NUP93: variants seen among roughly 807,000 people sequenced by gnomAD.
The protein encoded by NUP93 is nuclear pore complex protein Nup93.
A neutral mutation model predicts 107.8 loss-of-function variants in NUP93; 55 were observed. The ratio of observed to expected loss-of-function variants is 0.51; its 90% CI spans 0.41 to 0.64. The LOEUF (loss-of-function observed/expected upper bound fraction) is 0.64. Among genes scored for constraint, NUP93 ranks in the 30% least tolerant of loss-of-function variants. The probability of loss-of-function intolerance (pLI) is 0.00; values close to 1 mark genes in which losing one functional copy is unlikely to be tolerated. For synonymous variants in NUP93, 390 were observed against 397.5 expected, an observed-to-expected ratio of 0.98 and a Z score of 0.22; for missense variants, 937 against 1,044.7, an observed-to-expected ratio of 0.90 and a Z score of 1.42.
intron 8 of NUP93, among the ~76,000 whole-genome samples, chr16:56,827,044 CAAAAA>C (rs1188027635): frequency 8.8e-4 from 47 of 53,604 alleles, no homozygotes; most frequent in East Asian, 2.0e-3. Context: ...GACTCCGTCT[CAAAAA>C]AAAAAAAAAA....
At chr16:56,786,485 C>G (rs1204003127) in intron 3 of NUP93, among the ~76,000 whole-genome samples, 1 of 152,206 alleles carries the variant, frequency 6.6e-6, no homozygotes, top group Non-Finnish European at 1.5e-5. Flanking sequence ...ATGGATTGAG[C>G]TTTCAGCAAA....
At chr16:56,839,434 G>C (rs1963977582) in intron 19 of NUP93, 87 bp from the exon 20 acceptor site, 2 of 1,011,352 alleles carry the variant, frequency 2.0e-6, no homozygotes, top group Admixed American at 5.2e-5. Context: ...AAGCCCTTTG[G>C]AGTATGTGAG....
At chr16:56,809,940 T>G (rs1381426153) in intron 5 of NUP93, among the ~76,000 whole-genome samples, 11 of 152,248 alleles carry the variant, frequency 7.2e-5, no homozygotes, top group Admixed American at 7.2e-4. Flanking sequence ...TCTTTGTGAA[T>G]CTGAGCAAAT....
intron 3 of NUP93, among the ~76,000 whole-genome samples, chr16:56,759,109 A>G (rs1962079713): frequency 6.6e-6 from 1 of 152,232 alleles, no homozygotes; most frequent in South Asian, 2.1e-4. Flanking sequence ...ATGATTTCCA[A>G]GAAGTGTTTG....
chr16:56,809,516 G>A lies in NUP93; in HGVS notation c.489+3884G>A, dbSNP rs960048264. 3.3e-5 allele frequency among the ~76,000 whole-genome samples: 5 copies of A among 152,142 alleles called. No individual in the cohort carries two copies. In the East Asian group the frequency reaches 5.8e-4, roughly 18 times the overall value. ...TAATATCATCAGTGCTTCCTGATAAGTCTTTTTTTCCCCCGAAGTTGTTTC... is the reference window on the plus strand; with the variant it reads ...TAATATCATCAGTGCTTCCTGATAAATCTTTTTTTCCCCCGAAGTTGTTTC... On this transcript the variant is annotated intron_variant, in intron 5 of 21. Coordinates refer to ENST00000308159, the MANE Select transcript of NUP93 (RefSeq NM_014669.5).
chr16:56,773,626 G>A (rs1962360900), intron 3 of NUP93, among the ~76,000 whole-genome samples: 1 of 152,232 alleles, frequency 6.6e-6, no homozygotes, highest in Admixed American at 6.5e-5. Context: ...TTTAAGAAAT[G>A]TGATTCTCAG....
At chr16:56,763,466 A>G (rs527406180) in intron 3 of NUP93, among the ~76,000 whole-genome samples, 1 of 151,946 alleles carries the variant, frequency 6.6e-6, no homozygotes, top group Non-Finnish European at 1.5e-5. Context: ...CATTTTTCCA[A>G]GGTAGAAGGA....
chr16:56,841,528 C>T, intron 20 of NUP93, 177 bp from the exon 21 acceptor site: 1 of 690,838 alleles, frequency 1.4e-6, no homozygotes, highest in Non-Finnish European at 2.4e-6. Flanking sequence ...GGGTTTTTTT[C>T]TCACACTTGA....
Position 56,845,308 on chromosome 16 carries a change from T to A in NUP93, c.*699T>A, listed in dbSNP as rs1964103689. ...TAAACCTTGCCACTGCACTCCTCTG[T>A]AGCTGCTCCACTGTGAGTTGACTGC... On this transcript the variant is annotated 3_prime_UTR_variant, in exon 22 of 22. Transcript: ENST00000308159. The A allele has an allele frequency of 6.6e-6, 1 of 152,608 alleles. No individual in the cohort carries two copies. The highest frequency in any genetic ancestry group is 2.1e-4 in the South Asian group (1 of 4,830). The allele number at this position is 152,608 out of a possible 1,614,324, so 9.5% of individuals were successfully genotyped here.
At chr16:56,823,442 G>A (rs1963590385) in intron 7 of NUP93, among the ~76,000 whole-genome samples, 1 of 152,112 alleles carries the variant, frequency 6.6e-6, no homozygotes, top group Admixed American at 6.6e-5. Context: ...AATTATGTAC[G>A]TGGTTATGTC....
chr16:56,818,759 G>C, intron 6 of NUP93, 21 bp downstream of exon 6: 1 of 1,604,034 alleles, frequency 6.2e-7, no homozygotes, highest in Non-Finnish European at 8.5e-7. Flanking sequence ...TTTTAAGGGG[G>C]ATTAAGCCAG....
At chr16:56,787,160 A>G (rs533547524) in intron 3 of NUP93, among the ~76,000 whole-genome samples, 1 of 152,356 alleles carries the variant, frequency 6.6e-6, no homozygotes, top group East Asian at 1.9e-4. Flanking sequence ...ACAAAAGGGA[A>G]GGTCTGTTTG....
At chr16:56,751,572 G>A (rs1834106685) in intron 2 of NUP93, among the ~76,000 whole-genome samples, 1 of 152,192 alleles carries the variant, frequency 6.6e-6, no homozygotes. Flanking sequence ...ATTGTCACAG[G>A]CACTTTCCTG....
At chr16:56,757,920 G>A (rs1962054587) in intron 2 of NUP93, among the ~76,000 whole-genome samples, 1 of 152,142 alleles carries the variant, frequency 6.6e-6, no homozygotes, top group Non-Finnish European at 1.5e-5. Flanking sequence ...ATCTACGGAG[G>A]CTGTAAGTGT....
At chr16:56,829,219 G>T in intron 9 of NUP93, 110 bp downstream of exon 9, 1 of 1,304,694 alleles carries the variant, frequency 7.7e-7, no homozygotes, top group Non-Finnish European at 1.1e-6. Flanking sequence ...TGTGGAGATG[G>T]GACCAGAGAG....
intron 1 of NUP93, among the ~76,000 whole-genome samples, chr16:56,739,140 C>A: frequency 7.2e-6 from 1 of 138,706 alleles, no homozygotes; most frequent in African/African-American, 2.8e-5. Flanking sequence ...CGGCAACCAT[C>A]CGATTTCTCA....
rs775928723 is a variant in NUP93, at chr16:56,834,294, A to G, written c.1664+40A>G. 1.2e-4 allele frequency: 190 copies of G among 1,613,044 alleles called. No individual in the cohort carries two copies. Among genetic ancestry groups the G allele is most frequent in the Non-Finnish European group, 1.5e-4 (176 of 1,179,130 alleles). On this transcript the variant is annotated intron_variant, in intron 14 of 21. Coordinates refer to ENST00000308159, the MANE Select transcript of NUP93 (RefSeq NM_014669.5). ...TGACCATTTACTTCAGCTAGTTTCA[A>G]TTTCTGCCATTCTGAGAATGACTAT...
At chr16:56,754,951 G>A (rs1253448577) in intron 2 of NUP93, among the ~76,000 whole-genome samples, 1 of 152,146 alleles carries the variant, frequency 6.6e-6, no homozygotes, top group African/African-American at 2.4e-5. Flanking sequence ...AAACAAGTGG[G>A]CCACTACAAT....
intron 10 of NUP93, chr16:56,831,527 A>T (rs2144630211): frequency 4.2e-6 from 1 of 235,492 alleles, no homozygotes; most frequent in Middle Eastern, 1.4e-3. Flanking sequence ...TAAGGGAAGG[A>T]TTCACTCCTG....
Sources: allele counts gnomAD v4.1 joint callset (sites outside exome capture counted in the v4.1 genomes callset), GRCh38; gene constraint gnomAD v4.1.1; transcripts MANE v1.5; gene names NCBI Gene and HGNC (gene_info 2026-07-23, HGNC 2026-07-21).